ABCB11: variants seen among roughly 807,000 people sequenced by gnomAD.
ABCB11 encodes the protein ATP binding cassette subfamily B member 11, also known as bile salt export pump.
A neutral mutation model predicts 148.0 loss-of-function variants in ABCB11; 95 were observed. The ratio of observed to expected loss-of-function variants is 0.64; its 90% CI spans 0.54 to 0.76. The LOEUF is 0.76. Ranked by LOEUF, ABCB11 falls within the 30% of genes least tolerant of loss-of-function variation. The pLI is 0.00. For missense variants in ABCB11, 1,523 were observed against 1,617.8 expected (o/e 0.94, Z 1.01); for synonymous variants, 591 against 555.4 (o/e 1.06, Z -0.90).
intron 25 of ABCB11, among the ~76,000 whole-genome samples, chr2:168,928,362 C>G (rs1188694293): frequency 1.3e-5 from 2 of 152,084 alleles, no homozygotes; most frequent in Non-Finnish European, 2.9e-5. Context: ...TCCTTAGACT[C>G]TCCCACAGGG....
intron 5 of ABCB11, among the ~76,000 whole-genome samples, chr2:169,007,800 C>T (rs2106036196): frequency 1.3e-5 from 2 of 152,236 alleles, no homozygotes; most frequent in African/African-American, 4.8e-5. Flanking sequence ...CAAAATTAAA[C>T]ACTTCAGTGC....
At chr2:169,021,437 T>C (rs1410744311) in intron 1 of ABCB11, among the ~76,000 whole-genome samples, 1 of 152,122 alleles carries the variant, frequency 6.6e-6, no homozygotes, top group Non-Finnish European at 1.5e-5. Flanking sequence ...AAAGGACATA[T>C]AATAATTAAA....
intron 5 of ABCB11, among the ~76,000 whole-genome samples, chr2:169,002,621 C>T (rs1271139648): frequency 6.6e-6 from 1 of 152,110 alleles, no homozygotes; most frequent in African/African-American, 2.4e-5. Context: ...AAAATCCTGT[C>T]CTTTGCAACA....
intron 1 of ABCB11, among the ~76,000 whole-genome samples, chr2:169,027,014 T>C (rs916734916): frequency 6.6e-5 from 10 of 152,202 alleles, no homozygotes; most frequent in African/African-American, 2.2e-4. Flanking sequence ...TTTCATACAT[T>C]GAAGGAGGCT....
At chr2:168,986,376 G>A (rs904245479) in intron 9 of ABCB11, 92 bp from the exon 10 acceptor site, 3 of 1,122,784 alleles carry the variant, frequency 2.7e-6, no homozygotes, top group Non-Finnish European at 3.9e-6. Context: ...TTTACAAAAT[G>A]ATCATAAAAT....
At chr2:168,938,459 C>T (rs1450365833) in intron 21 of ABCB11, among the ~76,000 whole-genome samples, 1 of 152,014 alleles carries the variant, frequency 6.6e-6, no homozygotes, top group Non-Finnish European at 1.5e-5. Context: ...AGATGAGGTA[C>T]ATAGAGTAGT....
chr2:169,003,663 T>C (rs1694943743), intron 5 of ABCB11, among the ~76,000 whole-genome samples: 1 of 152,132 alleles, frequency 6.6e-6, no homozygotes, highest in African/African-American at 2.4e-5. Flanking sequence ...CTTTAAGGAA[T>C]CACACACTGT....
intron 21 of ABCB11, among the ~76,000 whole-genome samples, chr2:168,944,058 T>C (rs987688456): frequency 5.9e-5 from 9 of 152,022 alleles, no homozygotes; most frequent in African/African-American, 2.2e-4. Context: ...AACAAGGCTG[T>C]AGGTTTTGGG....
In ABCB11 at chr2:168,995,493, AC is replaced by A; in HGVS notation, c.478-12del. 1 of 1,607,462 alleles carries A rather than the reference AC, an allele frequency of 6.2e-7. No individual in the cohort carries two copies. The highest frequency in any genetic ancestry group is 8.5e-7 in the Non-Finnish European group (1 of 1,177,212). On this transcript the variant is annotated splice_polypyrimidine_tract_variant and intron_variant, in intron 6 of 27. Coordinates refer to ENST00000650372, the MANE Select transcript of ABCB11 (RefSeq NM_003742.4). ...GACCCAAAAGCATATCTGGAAATGG[AC>A]AAAGGAATGTTTAGCATTGCAATGT...
At chr2:168,934,773 G>T (rs1022549978) in intron 23 of ABCB11, among the ~76,000 whole-genome samples, 1 of 152,166 alleles carries the variant, frequency 6.6e-6, no homozygotes, top group East Asian at 1.9e-4. Flanking sequence ...ATCAAAAAGT[G>T]GATTCTATTT....
chr2:169,016,080 C>T (rs1460501722), intron 3 of ABCB11, among the ~76,000 whole-genome samples: 1 of 152,092 alleles, frequency 6.6e-6, no homozygotes, highest in Non-Finnish European at 1.5e-5. Flanking sequence ...CAACTTCCTA[C>T]TCATCCTCTC....
chr2:168,959,584 C>T (rs1692960746), intron 18 of ABCB11, among the ~76,000 whole-genome samples: 1 of 151,596 alleles, frequency 6.6e-6, no homozygotes, highest in Admixed American at 6.6e-5. Flanking sequence ...ATCTTGTGAA[C>T]AGAGGCATTG....
rs546799530 is a variant in ABCB11 at position 168,996,811 on chromosome 2, T to A, written c.390-89A>T. The A allele has an allele frequency of 3.9e-3, 1,372 of 352,750 alleles. 12 individuals carry two copies. The highest frequency in any genetic ancestry group is 0.027 in the African/African-American group (1,038 of 38,870). The allele number at this position is 352,750 out of a possible 1,614,324, so 21.9% of individuals were successfully genotyped here. On this transcript the variant is annotated intron_variant, in intron 5 of 27. Coordinates refer to ENST00000650372, the MANE Select transcript of ABCB11 (RefSeq NM_003742.4). ...TGTGGATATAGAGGGATTTAAAAAA[T>A]ATATATATTTTAAATATATATATAA...
intron 25 of ABCB11, among the ~76,000 whole-genome samples, chr2:168,928,312 A>G (rs1002298475): frequency 2.0e-5 from 3 of 152,340 alleles, no homozygotes; most frequent in Middle Eastern, 3.4e-3. Flanking sequence ...TAAATGTGCT[A>G]CATTGTAAGC....
chr2:168,974,800 C>T (rs1574455114), intron 12 of ABCB11, among the ~76,000 whole-genome samples: 1 of 151,702 alleles, frequency 6.6e-6, no homozygotes, highest in Admixed American at 6.6e-5. Context: ...AAAATATTTA[C>T]TGAGTGTGTA....
chr2:168,981,311 C>G (rs911164790), intron 10 of ABCB11, among the ~76,000 whole-genome samples: 1 of 152,136 alleles, frequency 6.6e-6, no homozygotes, highest in African/African-American at 2.4e-5. Flanking sequence ...CTCACGCTTT[C>G]TCCCTAGAAT....
At chr2:168,995,272 A>G (rs1164353188) in intron 7 of ABCB11, 77 bp downstream of exon 7, 1 of 1,478,226 alleles carries the variant, frequency 6.8e-7, no homozygotes, top group Non-Finnish European at 9.1e-7. Context: ...ATATTTTTAA[A>G]TTTTTATTTA....
intron 22 of ABCB11, 98 bp from the exon 23 acceptor site, chr2:168,935,523 A>G: frequency 2.8e-6 from 4 of 1,448,198 alleles, no homozygotes; most frequent in Non-Finnish European, 2.8e-6. Context: ...AAATGGCAGA[A>G]TGTGGTACAA....
chr2:169,014,413 C>A, intron 3 of ABCB11, 59 bp from the exon 4 acceptor site: 1 of 1,496,624 alleles, frequency 6.7e-7, no homozygotes, highest in Non-Finnish European at 9.2e-7. Flanking sequence ...GGGAAATTCT[C>A]CCTAGGTGGT....
Sources: allele counts gnomAD v4.1 joint callset (sites outside exome capture counted in the v4.1 genomes callset), GRCh38; gene constraint gnomAD v4.1.1; transcripts MANE v1.5; gene names NCBI Gene and HGNC (gene_info 2026-07-23, HGNC 2026-07-21).